The following RAPGEF5 variants were observed in gnomAD, a reference collection of about 807,000 sequenced individuals.
The protein encoded by RAPGEF5 is Rap guanine nucleotide exchange factor 5.
Under a neutral mutation model 125.2 loss-of-function variants are expected in RAPGEF5, and 65 were observed. The observed-to-expected ratio is 0.52, with a 90% CI of 0.43 to 0.64. The LOEUF (loss-of-function observed/expected upper bound fraction) is 0.64. Ranked by LOEUF, RAPGEF5 falls within the 30% of genes least tolerant of loss-of-function variation. The pLI is 0.00. For synonymous variants in RAPGEF5, 391 were observed against 385.9 expected (o/e 1.01, Z -0.16); for missense variants, 958 against 1,048.1 (o/e 0.91, Z 1.19).
rs1292897860 is a variant in RAPGEF5, at chr7:22,122,034, C to T, written c.*372G>A. 1 of 187,358 alleles carries T rather than the reference C, an allele frequency of 5.3e-6. No homozygotes were observed. Among genetic ancestry groups the T allele is most frequent in the Non-Finnish European group, 1.1e-5 (1 of 88,086 alleles). The allele number at this position is 187,358 out of a possible 1,614,324, so 11.6% of individuals were successfully genotyped here. A position where few individuals can be genotyped will look rare whatever the true frequency, so the allele number is the denominator to read the frequency against. ...GCAAAGTAAAAACTCCTTCCTGTTTCATGCACGCTCTTAATGAAATATTTG... is the reference window on the plus strand; with the variant it reads ...GCAAAGTAAAAACTCCTTCCTGTTTTATGCACGCTCTTAATGAAATATTTG... On this transcript the variant is annotated 3_prime_UTR_variant, in exon 26 of 26. Coordinates refer to ENST00000665637, the MANE Select transcript of RAPGEF5 (RefSeq NM_012294.5).
intron 7 of RAPGEF5, among the ~76,000 whole-genome samples, chr7:22,260,773 A>G (rs1033230026): frequency 1.3e-5 from 2 of 152,202 alleles, no homozygotes; most frequent in Admixed American, 6.5e-5. Context: ...AAAACTTTGA[A>G]GAGAACAAGA....
chr7:22,325,771 C>A (rs1430611410), intron 1 of RAPGEF5, among the ~76,000 whole-genome samples: 2 of 152,088 alleles, frequency 1.3e-5, no homozygotes, highest in African/African-American at 4.8e-5. Flanking sequence ...ACTATGTTGC[C>A]CAGGCTAGTC....
chr7:22,133,942 T>C (rs1266303012), intron 23 of RAPGEF5, among the ~76,000 whole-genome samples: 1 of 152,190 alleles, frequency 6.6e-6, no homozygotes, highest in African/African-American at 2.4e-5. Flanking sequence ...GGGAACTGAC[T>C]TTCAAAAAAT....
chr7:22,208,924 T>C lies in RAPGEF5; in HGVS notation c.996+10942A>G, dbSNP rs112168127. On this transcript the variant is annotated intron_variant, in intron 9 of 25. Coordinates refer to ENST00000665637, the MANE Select transcript of RAPGEF5 (RefSeq NM_012294.5). ...AACCACAAAGTGTGGGGCACCATTA[T>C]TGGTGCAGCTGCAGATGCTGAAGGT... 5.2e-4 allele frequency among the ~76,000 whole-genome samples: 79 copies of C among 152,320 alleles called. 1 individual carries two copies. Among genetic ancestry groups the C allele is most frequent in the African/African-American group, 1.7e-3 (70 of 41,574 alleles).
intron 17 of RAPGEF5, 60 bp downstream of exon 17, chr7:22,154,395 C>A (rs1354049795): frequency 6.3e-7 from 1 of 1,574,988 alleles, no homozygotes; most frequent in South Asian, 1.2e-5. Flanking sequence ...AAAATGTCAC[C>A]TCCCTCCTTT....
intron 9 of RAPGEF5, among the ~76,000 whole-genome samples, chr7:22,203,887 G>T (rs560507242): frequency 6.6e-6 from 1 of 152,270 alleles, no homozygotes; most frequent in Non-Finnish European, 1.5e-5. Context: ...AAATGAGGAT[G>T]CAGAAATCTA....
intron 7 of RAPGEF5, among the ~76,000 whole-genome samples, chr7:22,264,300 T>A (rs969553507): frequency 6.6e-6 from 1 of 152,186 alleles, no homozygotes; most frequent in African/African-American, 2.4e-5. Context: ...TGAATTTATG[T>A]CCCCATCATT....
chr7:22,229,660 T>TAG (rs1554332635), intron 8 of RAPGEF5, among the ~76,000 whole-genome samples: 14 of 152,226 alleles, frequency 9.2e-5, no homozygotes, highest in Non-Finnish European at 1.9e-4. Flanking sequence ...GAACTACTTA[T>TAG]TCCATCCAGA....
At chr7:22,312,117 C>T (rs1783483965) in intron 3 of RAPGEF5, among the ~76,000 whole-genome samples, 3 of 152,126 alleles carry the variant, frequency 2.0e-5, no homozygotes, top group African/African-American at 7.2e-5. Context: ...TAGAACAAGG[C>T]TTCTCAAAAC....
chr7:22,193,351 C>T lies in RAPGEF5; in HGVS notation c.1204+16G>A. 2 of 1,567,542 alleles carry T rather than the reference C, an allele frequency of 1.3e-6. No individual in the cohort carries two copies. The highest frequency in any genetic ancestry group is 1.7e-6 in the Non-Finnish European group (2 of 1,154,762). On this transcript the variant is annotated intron_variant, in intron 11 of 25. Transcript: ENST00000665637. Reference sequence around the variant, plus strand: ...GCTGCTATCAGTCTGGAAGCATGAGCTACTCAGAGCCTTACCTGTTTCTTT... The same window carrying T: ...GCTGCTATCAGTCTGGAAGCATGAGTTACTCAGAGCCTTACCTGTTTCTTT...
chr7:22,261,009 T>C (rs112471594), intron 7 of RAPGEF5, among the ~76,000 whole-genome samples: 5 of 152,186 alleles, frequency 3.3e-5, no homozygotes, highest in African/African-American at 7.2e-5. Flanking sequence ...TGAATGCTAA[T>C]AGGGTAACTG....
intron 1 of RAPGEF5, among the ~76,000 whole-genome samples, chr7:22,354,002 C>T (rs113963410): frequency 0.016 from 2,414 of 151,988 alleles, 60 homozygotes; most frequent in African/African-American, 0.056. Flanking sequence ...GCCAGAAGGT[C>T]GAGGCTATAG....
At chr7:22,224,813 C>T (rs1404939419) in intron 8 of RAPGEF5, among the ~76,000 whole-genome samples, 1 of 151,068 alleles carries the variant, frequency 6.6e-6, no homozygotes, top group African/African-American at 2.4e-5. Flanking sequence ...TCTGTAGGTC[C>T]CAAGTACAGT....
chr7:22,342,740 C>G (rs1195313828), intron 1 of RAPGEF5, among the ~76,000 whole-genome samples: 1 of 152,206 alleles, frequency 6.6e-6, no homozygotes, highest in African/African-American at 2.4e-5. Flanking sequence ...TAAAACATAA[C>G]AAGAGTCACC....
At chr7:22,290,589 C>CA (rs1782908090) in intron 6 of RAPGEF5, among the ~76,000 whole-genome samples, 2 of 151,724 alleles carry the variant, frequency 1.3e-5, no homozygotes, top group African/African-American at 4.8e-5. Flanking sequence ...ACTAAAAATA[C>CA]AAAAAATTAG....
At chr7:22,330,377 G>A (rs997713629) in intron 1 of RAPGEF5, among the ~76,000 whole-genome samples, 1 of 152,228 alleles carries the variant, frequency 6.6e-6, no homozygotes, top group African/African-American at 2.4e-5. Flanking sequence ...GACCATGGAT[G>A]TAAGGGAAGG....
chr7:22,181,864 T>C (rs1784685125), intron 11 of RAPGEF5, among the ~76,000 whole-genome samples: 3 of 152,086 alleles, frequency 2.0e-5, no homozygotes, highest in South Asian at 2.1e-4. Context: ...AAAAGGCTGA[T>C]AGGAAAAATG....
At chr7:22,325,850 G>A (rs1158495383) in intron 1 of RAPGEF5, among the ~76,000 whole-genome samples, 2 of 152,256 alleles carry the variant, frequency 1.3e-5, no homozygotes, top group African/African-American at 2.4e-5. Context: ...ATGAGTCACC[G>A]CACCTGGCTA....
At chr7:22,252,744 T>G (rs191020732) in intron 7 of RAPGEF5, among the ~76,000 whole-genome samples, 3 of 149,806 alleles carry the variant, frequency 2.0e-5, no homozygotes, top group Non-Finnish European at 2.9e-5. Flanking sequence ...GTCATGGGAC[T>G]TTTTTTAAAG....
Sources: allele counts gnomAD v4.1 joint callset (sites outside exome capture counted in the v4.1 genomes callset), GRCh38; gene constraint gnomAD v4.1.1; transcripts MANE v1.5; gene names NCBI Gene and HGNC (gene_info 2026-07-23, HGNC 2026-07-21).